Variants in ZNFX1 observed in about 807,000 individuals in gnomAD.
ZNFX1 encodes the protein NFX1-type zinc finger-containing protein 1.
In ZNFX1, 78 loss-of-function variants were observed where a neutral mutation model predicts 179.8. The observed-to-expected ratio is 0.43, with a 90% CI of 0.36 to 0.52. ZNFX1 has a LOEUF of 0.52. ZNFX1 is among the 20% of genes least tolerant of loss of function. The pLI is 0.00. For synonymous variants in ZNFX1, 848 were observed against 868.5 expected (o/e 0.98, Z 0.42); for missense variants, 1,927 against 2,386.6 (o/e 0.81, Z 4.01).
chr20:49,272,180 C>CT (rs72383185), intron 2 of ZNFX1, among the ~76,000 whole-genome samples: 62,163 of 140,644 alleles, frequency 0.44, 15,112 homozygotes, highest in Middle Eastern at 0.58. Context: ...TCAGTTTCTG[C>CT]TTTTTTTTTT....
intron 4 of ZNFX1, 86 bp downstream of exon 4, chr20:49,266,049 T>C (rs1981225703): frequency 1.3e-6 from 2 of 1,488,422 alleles, no homozygotes; most frequent in South Asian, 1.2e-5. Flanking sequence ...TTGACTTTGT[T>C]TGAAGAGCAA....
intron 13 of ZNFX1, among the ~76,000 whole-genome samples, chr20:49,249,932 G>A (rs1336287969): frequency 6.6e-6 from 1 of 152,174 alleles, no homozygotes; most frequent in African/African-American, 2.4e-5. Context: ...GTCTCTTTCA[G>A]TTTTCAAGAT....
chr20:49,276,382 ATAAT>A (rs149576901), intron 1 of ZNFX1, among the ~76,000 whole-genome samples: 2,329 of 152,356 alleles, frequency 0.015, 59 homozygotes, highest in South Asian at 0.071. Context: ...CAGTTTATAA[ATAAT>A]TAGTGAGCAG....
chr20:49,247,397 A>G lies in ZNFX1; in HGVS notation c.5627T>C (p.Ile1876Thr). Reference sequence around the variant, plus strand: ...TTCCAGAGTATGATTTGTGCCACCAATCACTTCCTTACAGTCAGGACACGT... The same window carrying G: ...TTCCAGAGTATGATTTGTGCCACCAGTCACTTCCTTACAGTCAGGACACGT... ...RGTCPDCKEVIGGTNHTLERS... is the reference protein window; with the variant it reads ...RGTCPDCKEVTGGTNHTLERS... The change falls in exon 14 of 14, where the codon ATT becomes ACT. Residue 1876 changes from isoleucine (I) to threonine (T), a missense_variant. Transcript: ENST00000396105. 3 of 1,614,118 alleles carry G rather than the reference A, an allele frequency of 1.9e-6. No homozygotes were observed. The highest frequency in any genetic ancestry group is 2.5e-6 in the Non-Finnish European group (3 of 1,180,014).
chr20:49,275,123 A>C (rs1365506896), intron 2 of ZNFX1, among the ~76,000 whole-genome samples: 1 of 70,116 alleles, frequency 1.4e-5, no homozygotes, highest in Non-Finnish European at 4.3e-5. Flanking sequence ...ACTCTGTCTC[A>C]AAAAAAAAAA....
intron 2 of ZNFX1, among the ~76,000 whole-genome samples, chr20:49,274,108 G>A (rs1461966597): frequency 6.6e-6 from 1 of 152,178 alleles, no homozygotes; most frequent in African/African-American, 2.4e-5. Flanking sequence ...TAGAGTGATG[G>A]TCTTGGAACT....
At chr20:49,262,566 C>T (rs1229717135) in intron 6 of ZNFX1, among the ~76,000 whole-genome samples, 1 of 152,140 alleles carries the variant, frequency 6.6e-6, no homozygotes, top group East Asian at 1.9e-4. Flanking sequence ...TTGCCACAGT[C>T]CTCTCCGCTT....
Position 49,249,180 on chromosome 20 carries a change from T to A in ZNFX1, c.3844A>T (p.Lys1282Ter). ...AGGCTGCAGCCTCCTTCGGGTACTT[T>A]TTGGAAGTCAGAAGCTTTGGATACT... ...TLVSKASDFQ[K>*]VPEGGCSLPC... The change falls in exon 14 of 14, where the codon AAA becomes TAA. Residue 1282 changes from lysine to a stop codon, truncating the protein, a stop_gained. Transcript: ENST00000396105. LOFTEE classifies it high-confidence loss of function. 6.2e-7 allele frequency: 1 copy of A among 1,614,160 alleles called. No individual in the cohort carries two copies. The highest frequency in any genetic ancestry group is 8.5e-7 in the Non-Finnish European group (1 of 1,180,034).
At position 49,253,760 on chromosome 20, in the gene ZNFX1, A is replaced by G; in HGVS notation, c.3011T>C (p.Ile1004Thr). ...AAGGACTTCCGCAGCTTCTTCCACTATGACAATCCTCGGCTCCACCTTCTG... is the reference window on the plus strand; with the variant it reads ...AAGGACTTCCGCAGCTTCTTCCACTGTGACAATCCTCGGCTCCACCTTCTG... ...ILQKVEPRIVIVEEAAEVLEA... is the reference protein window; with the variant it reads ...ILQKVEPRIVTVEEAAEVLEA... The change falls in exon 11 of 14, where the codon ATA becomes ACA. Residue 1004 changes from isoleucine (I) to threonine (T), a missense_variant. Coordinates refer to ENST00000396105, the MANE Select transcript of ZNFX1 (RefSeq NM_021035.3). 1.2e-6 allele frequency: 2 copies of G among 1,614,176 alleles called. No individual in the cohort carries two copies. Among genetic ancestry groups the G allele is most frequent in the South Asian group, 1.1e-5 (1 of 91,090 alleles).
chr20:49,253,581 C>G, intron 11 of ZNFX1, 85 bp downstream of exon 11: 4 of 1,531,378 alleles, frequency 2.6e-6, no homozygotes, highest in Non-Finnish European at 2.7e-6. Context: ...AGCTTGAGGA[C>G]TGTTGAAGCA....
intron 4 of ZNFX1, 117 bp downstream of exon 4, chr20:49,266,018 T>A: frequency 8.5e-7 from 1 of 1,173,122 alleles, no homozygotes; most frequent in African/African-American, 1.6e-5. Context: ...CAAACGGCCA[T>A]GTAAGTAATG....
intron 11 of ZNFX1, 66 bp downstream of exon 11, chr20:49,253,600 G>C: frequency 1.3e-6 from 2 of 1,596,896 alleles, no homozygotes; most frequent in Non-Finnish European, 1.7e-6. Context: ...CAGAGGCCAG[G>C]GTCTTCCTTT....
chr20:49,263,226 A>G, intron 6 of ZNFX1, 108 bp downstream of exon 6: 1 of 1,352,886 alleles, frequency 7.4e-7, no homozygotes, highest in Non-Finnish European at 1.0e-6. Flanking sequence ...ACATTGTGGC[A>G]GCATCAGATT....
At position 49,271,699 on chromosome 20, in the gene ZNFX1, G is replaced by A; in HGVS notation, c.113C>T (p.Pro38Leu). Residue 38 changes from proline (P) to leucine (L), a missense_variant, in exon 3 of 14, where the codon CCA becomes CTA. Physicochemically the swap from Pro to Leu is moderately conservative, Grantham distance 98 (BLOSUM62 -3). Coordinates refer to ENST00000396105, the MANE Select transcript of ZNFX1 (RefSeq NM_021035.3). ...PPRARNQANN[P>L]PANALRGGAS... ...TCCTCCTCGGAGAGCATTGGCTGGT[G>A]GGTTATTGGCCTGATTTCTAGCTCT... 2 of 1,613,518 alleles carry A rather than the reference G, an allele frequency of 1.2e-6. No individual in the cohort carries two copies. The highest frequency in any genetic ancestry group is 1.7e-6 in the Non-Finnish European group (2 of 1,179,816).
rs1373911339 is a variant in ZNFX1 at position 49,270,607 on chromosome 20, T to C, written c.1205A>G (p.Lys402Arg). Residue 402 changes from lysine (K) to arginine (R), a missense_variant, in exon 3 of 14, where the codon AAG (lysine) becomes AGG (arginine). Transcript: ENST00000396105. The surrounding 1 kb of genome is among the most constrained non-coding windows in gnomAD (Gnocchi z 4.6). ...GATTCGGATGTCATCAAACTTTCTC[T>C]TCCTCAGGCCCTGGTCTTCAAAGCT... ...LQSFEDQGLR[K>R]RKFDDIRIYF... The C allele has an allele frequency of 1.2e-6, 2 of 1,614,222 alleles. No individual in the cohort carries two copies. The highest frequency in any genetic ancestry group is 4.5e-5 in the East Asian group (2 of 44,886).
At chr20:49,253,911 C>G in intron 10 of ZNFX1, 100 bp from the exon 11 acceptor site, 1 of 1,403,700 alleles carries the variant, frequency 7.1e-7, no homozygotes, top group Non-Finnish European at 9.7e-7. Flanking sequence ...TTCCCTGAAC[C>G]TGCATCAGCG....
intron 2 of ZNFX1, among the ~76,000 whole-genome samples, chr20:49,274,566 T>C (rs1600999298): frequency 6.6e-6 from 1 of 152,144 alleles, no homozygotes; most frequent in East Asian, 1.9e-4. Flanking sequence ...GAGACCATTC[T>C]GGTCCAACAT....
intron 7 of ZNFX1, among the ~76,000 whole-genome samples, chr20:49,259,126 AT>A (rs11475969): frequency 0.34 from 47,160 of 138,910 alleles, 8,990 homozygotes; most frequent in Non-Finnish European, 0.44. Flanking sequence ...AAATAAATAA[AT>A]AAATAAATAA....
chr20:49,277,458 T>G (rs1981604849), intron 1 of ZNFX1, among the ~76,000 whole-genome samples: 1 of 122,358 alleles, frequency 8.2e-6, no homozygotes, highest in Non-Finnish European at 1.7e-5. Context: ...AGGTGCTCTG[T>G]AGAAGAGGGG....
Sources: gnomAD v4.1 joint callset for allele counts (sites outside exome capture counted in the v4.1 genomes callset) on GRCh38, gnomAD v4.1.1 for gene constraint, Gnocchi (gnomAD v3.1) non-coding constraint, MANE v1.5 for transcripts, NCBI Gene and HGNC (gene_info 2026-07-23, HGNC 2026-07-21) for gene names.